GALNT9: variants seen among roughly 807,000 people sequenced by gnomAD.
The protein encoded by GALNT9 is GalNAc transferase 9.
In GALNT9, 47 loss-of-function variants were observed where a neutral mutation model predicts 63.1. The ratio of observed to expected loss-of-function variants is 0.75; its 90% CI spans 0.59 to 0.95. GALNT9 has a LOEUF of 0.95. Ranked by LOEUF, GALNT9 falls within the 40% of genes least tolerant of loss-of-function variation. The pLI is 0.00. For missense variants in GALNT9, 829 were observed against 874.8 expected, an observed-to-expected ratio of 0.95 and a Z score of 0.66; for synonymous variants, 396 against 365.7, an observed-to-expected ratio of 1.08 and a Z score of -0.94.
At chr12:132,328,833 C>T in intron 1 of GALNT9, 133 bp downstream of exon 1, 6 of 1,151,346 alleles carry the variant, frequency 5.2e-6, no homozygotes, top group Non-Finnish European at 5.8e-6. Context: ...CCTTCCCTCT[C>T]CTCTCTCCTG....
Position 132,203,468 on chromosome 12 carries a change from GGGCATGGCCCCGGCTCCCGGCCTGT to G in GALNT9, c.1263+12_1263+36del. ...TGCCGTGGCATTGACCCCGACCCTGGGGCATGGCCCCGGCTCCCGGCCTGTGGGGGACTCACCGACATGGGGATGT... is the reference window on the plus strand; with the variant it reads ...TGCCGTGGCATTGACCCCGACCCTGGGGGGGACTCACCGACATGGGGATGT... On this transcript the variant is annotated intron_variant, in intron 7 of 10. Transcript: ENST00000328957. The G allele has an allele frequency of 6.2e-7, 1 of 1,607,402 alleles. No individual in the cohort carries two copies.
intron 8 of GALNT9, chr12:132,200,803 G>T: frequency 2.7e-6 from 1 of 369,150 alleles, no homozygotes; most frequent in South Asian, 3.2e-5. Flanking sequence ...AACACGCATG[G>T]ATGTGACTAC....
intron 1 of GALNT9, among the ~76,000 whole-genome samples, chr12:132,321,533 G>A (rs535880436): frequency 3.0e-4 from 46 of 152,270 alleles, no homozygotes; most frequent in Non-Finnish European, 4.6e-4. Context: ...GGGCCAACAG[G>A]CTGTCCTGGC....
At chr12:132,321,851 AC>A (rs1426306076) in intron 1 of GALNT9, among the ~76,000 whole-genome samples, 2 of 151,662 alleles carry the variant, frequency 1.3e-5, no homozygotes, top group African/African-American at 4.8e-5. Context: ...GTCCCCTCAT[AC>A]AGGAGGCCGG....
intron 6 of GALNT9, chr12:132,240,483 G>C (rs2136898316): frequency 1.8e-5 from 7 of 394,228 alleles, no homozygotes; most frequent in South Asian, 1.3e-4. Context: ...GCCGTGCCCA[G>C]CTCGGACCCC....
intron 10 of GALNT9, 80 bp from the exon 11 acceptor site, chr12:132,197,333 T>G (rs1286966695): frequency 1.3e-6 from 2 of 1,565,496 alleles, no homozygotes; most frequent in Admixed American, 3.5e-5. Flanking sequence ...GGCTGCTTCG[T>G]GCTCTCAGCC....
rs370241695 is a variant in GALNT9 at position 132,197,228 on chromosome 12, G to A, written c.1691C>T (p.Thr564Met). The A allele has an allele frequency of 1.4e-5, 22 of 1,613,084 alleles. No homozygotes were observed. The Middle Eastern group carries it at 9.9e-4, about 72-fold the overall frequency. Residue 564 changes from threonine to methionine, a missense_variant, in exon 11 of 11, where the codon ACG becomes ATG. Physicochemically the swap from Thr to Met is moderately conservative, Grantham distance 81. Transcript: ENST00000328957. ...CATCTCCACCTCCAGGCAGCGGCCCGTGGCCCGGCTCACAATGGGGCCACT... is the reference window on the plus strand; with the variant it reads ...CATCTCCACCTCCAGGCAGCGGCCCATGGCCCGGCTCACAATGGGGCCACT... The part of the protein sequence containing the change: ...TQSGPIVSRA[T>M]GRCLEVEMSK...
chr12:132,237,951 C>T (rs1426032090), intron 6 of GALNT9, among the ~76,000 whole-genome samples: 1 of 152,186 alleles, frequency 6.6e-6, no homozygotes, highest in Non-Finnish European at 1.5e-5. Context: ...TTCAGGGCCT[C>T]TACCTCTCCC....
intron 2 of GALNT9, among the ~76,000 whole-genome samples, chr12:132,269,873 G>A (rs567927498): frequency 2.6e-4 from 39 of 152,298 alleles, no homozygotes; most frequent in African/African-American, 7.9e-4. Context: ...ATGGGCGCAC[G>A]GGATCAGCCA....
intron 1 of GALNT9, among the ~76,000 whole-genome samples, chr12:132,290,093 A>G (rs1320403080): frequency 6.6e-6 from 1 of 151,916 alleles, no homozygotes; most frequent in Non-Finnish European, 1.5e-5. Context: ...ATGGTGCTTC[A>G]CTGCTCTCTG....
At chr12:132,203,774 G>C (rs970544420) in intron 6 of GALNT9, 84 bp from the exon 7 acceptor site, 2 of 1,457,522 alleles carry the variant, frequency 1.4e-6, no homozygotes, top group Non-Finnish European at 1.9e-6. Flanking sequence ...GAGAGGCCAA[G>C]GGGCCCGGCC....
At chr12:132,209,299 G>A (rs938102554) in intron 6 of GALNT9, among the ~76,000 whole-genome samples, 28 of 152,114 alleles carry the variant, frequency 1.8e-4, no homozygotes, top group African/African-American at 6.3e-4. Flanking sequence ...GGCTGAGGTG[G>A]GTGGATCATG....
intron 6 of GALNT9, 32 bp from the exon 7 acceptor site, chr12:132,203,722 C>T: frequency 6.2e-7 from 1 of 1,601,940 alleles, no homozygotes; most frequent in South Asian, 1.1e-5. Flanking sequence ...TGCCGGCGTC[C>T]TTCCCAACGG....
intron 1 of GALNT9, among the ~76,000 whole-genome samples, chr12:132,299,676 C>G (rs1188665353): frequency 1.4e-5 from 2 of 142,988 alleles, no homozygotes; most frequent in African/African-American, 2.6e-5. Context: ...ACTCCCACCA[C>G]ACCTAACCCA....
chr12:132,262,481 C>G lies in GALNT9; in HGVS notation c.564G>C (p.Leu188=), dbSNP rs1345271540. 26 of 1,550,684 alleles carry G rather than the reference C, an allele frequency of 1.7e-5. No individual in the cohort carries two copies. Among genetic ancestry groups the G allele is most frequent in the Non-Finnish European group, 1.4e-5 (16 of 1,146,650 alleles). ...TPSQLLKEVI[L]VDDNSDNVEL... is the part of the protein sequence containing the mutation. ...CACCGTTGTCACTGTTGTCGTCCAC[C>G]AGGATGACCTCCTTGAGGAGCTGGG... Residue 188 remains leucine, a synonymous_variant, in exon 3 of 11, where the codon CTG becomes CTC. Coordinates refer to ENST00000328957, the MANE Select transcript of GALNT9 (RefSeq NM_001122636.2).
At chr12:132,323,551 G>A (rs1555246291) in intron 1 of GALNT9, among the ~76,000 whole-genome samples, 1 of 152,240 alleles carries the variant, frequency 6.6e-6, no homozygotes, top group Non-Finnish European at 1.5e-5. Context: ...GGCAGCGATG[G>A]GGAGGACAGC....
intron 5 of GALNT9, among the ~76,000 whole-genome samples, chr12:132,254,930 G>C (rs535355305): frequency 6.6e-6 from 1 of 152,342 alleles, no homozygotes; most frequent in South Asian, 2.1e-4. Context: ...AGCAGCCACA[G>C]CTCAGCTTCA....
intron 1 of GALNT9, among the ~76,000 whole-genome samples, chr12:132,321,370 A>T (rs1220961986): frequency 6.6e-6 from 1 of 152,064 alleles, no homozygotes; most frequent in Non-Finnish European, 1.5e-5. Flanking sequence ...ATCCGAGTGA[A>T]ACTGAAAATG....
At chr12:132,323,824 C>T (rs1034979148) in intron 1 of GALNT9, among the ~76,000 whole-genome samples, 1 of 152,192 alleles carries the variant, frequency 6.6e-6, no homozygotes, top group Admixed American at 6.5e-5. Context: ...GGCGGGGGCC[C>T]GGAAGTTAAT....
Sources: allele counts gnomAD v4.1 joint callset (sites outside exome capture counted in the v4.1 genomes callset), GRCh38; gene constraint gnomAD v4.1.1; transcripts MANE v1.5; gene names NCBI Gene and HGNC (gene_info 2026-07-23, HGNC 2026-07-21).